DPP6: variants seen among roughly 807,000 people sequenced by gnomAD.
The protein encoded by DPP6 is A-type potassium channel modulatory protein DPP6.
Under a neutral mutation model 122.6 loss-of-function variants are expected in DPP6, and 69 were observed. The ratio of observed to expected loss-of-function variants is 0.56; its 90% CI spans 0.46 to 0.69. The LOEUF (loss-of-function observed/expected upper bound fraction) is 0.69, where lower values mean the gene tolerates loss of function less well. DPP6 is among the 30% of genes least tolerant of loss of function. DPP6 has a pLI of 0.00. For missense variants in DPP6, 928 were observed against 1,116.9 expected (o/e 0.83, Z 2.41); for synonymous variants, 418 against 433.1 (o/e 0.97, Z 0.43).
At chr7:154,736,363 A>C (rs1358911872) in intron 8 of DPP6, among the ~76,000 whole-genome samples, 1 of 152,264 alleles carries the variant, frequency 6.6e-6, no homozygotes, top group Non-Finnish European at 1.5e-5. Context: ...TTGTCATAGC[A>C]AAACAGCAGC....
chr7:154,311,776 A>G (rs1478645542), intron 1 of DPP6, among the ~76,000 whole-genome samples: 1 of 152,094 alleles, frequency 6.6e-6, no homozygotes, highest in Non-Finnish European at 1.5e-5. Context: ...CTTAATCTCC[A>G]CTGGTACCCA....
intron 20 of DPP6, among the ~76,000 whole-genome samples, chr7:154,878,237 A>G (rs989592823): frequency 5.3e-5 from 8 of 152,184 alleles, no homozygotes; most frequent in African/African-American, 1.9e-4. Flanking sequence ...ATCTTCCCCA[A>G]AGAGCACAGG....
Position 154,566,589 on chromosome 7 carries a change from C to A in DPP6, c.553-253C>A, listed in dbSNP as rs538951346. Among the ~76,000 whole-genome samples the A allele has an allele frequency of 4.1e-4, 62 of 152,154 alleles. 1 individual carries two copies. Among genetic ancestry groups the A allele is most frequent in the African/African-American group, 7.7e-4 (32 of 41,492 alleles). On this transcript the variant is annotated intron_variant, in intron 4 of 25. Transcript: ENST00000377770. ...TACAGGTGTGAGCCAGTGCACCCAG[C>A]CTTTAATGCTTATTTATATTGGCTT...
chr7:154,233,619 C>G (rs1801034577), intron 1 of DPP6, among the ~76,000 whole-genome samples: 1 of 152,080 alleles, frequency 6.6e-6, no homozygotes, highest in Non-Finnish European at 1.5e-5. Flanking sequence ...TGGTGCTGTT[C>G]CGACAAGCCA....
chr7:154,120,345 C>T (rs1000092153), intron 1 of DPP6, among the ~76,000 whole-genome samples: 42 of 151,740 alleles, frequency 2.8e-4, no homozygotes, highest in Admixed American at 1.5e-3. Context: ...CATGGGTTCA[C>T]GCCATTCTCC....
chr7:154,841,669 G>A (rs1005043960), intron 16 of DPP6, among the ~76,000 whole-genome samples: 1 of 151,682 alleles, frequency 6.6e-6, no homozygotes, highest in Non-Finnish European at 1.5e-5. Flanking sequence ...GTAATTTCTA[G>A]AGCAAGAGGT....
rs1182294658 is a variant in DPP6, at chr7:154,833,424, T to C, written c.1667-20356T>C. On this transcript the variant is annotated intron_variant, in intron 16 of 25. Coordinates refer to ENST00000377770, the MANE Select transcript of DPP6 (RefSeq NM_130797.4). This position sits in a 1 kb window ranked among gnomAD's most constrained non-coding sequence, Gnocchi z 4.3. ...CCCCTCATCGAGAAGGAGCAAGAAG[T>C]GACTTCTGTGTGCCTTGGCTGCCTC... Among the ~76,000 whole-genome samples, 1 of 152,136 alleles carries C rather than the reference T, an allele frequency of 6.6e-6. No individual in the cohort carries two copies. Among genetic ancestry groups the C allele is most frequent in the Non-Finnish European group, 1.5e-5 (1 of 68,024 alleles).
chr7:154,232,821 A>G (rs1800993310), intron 1 of DPP6, among the ~76,000 whole-genome samples: 1 of 152,212 alleles, frequency 6.6e-6, no homozygotes, highest in Non-Finnish European at 1.5e-5. Flanking sequence ...GGGAGAAGCC[A>G]AAAGTCAGCA....
In DPP6 at chr7:154,320,001, A is replaced by AATATATATATATATAT. The variant is rs71182894; in HGVS notation, c.244-126198_244-126183dup. 3.7e-3 allele frequency among the ~76,000 whole-genome samples: 518 copies of AATATATATATATATAT among 139,152 alleles called. 4 individuals are homozygous for AATATATATATATATAT. The highest frequency in any genetic ancestry group is 0.011 in the African/African-American group (406 of 36,094). 91.3% of individuals were successfully genotyped at this position (139,152 alleles called of 152,430 possible). A position where few individuals can be genotyped will look rare whatever the true frequency, so the allele number is the denominator to read the frequency against. ...GCAAGACTCTGTCTCAAATATTTCA[A>AATATATATATATATAT]ATATATATATATATATATATATATA... On this transcript the variant is annotated intron_variant, in intron 1 of 25. Transcript: ENST00000377770.
At chr7:154,373,533 G>A (rs928966344) in intron 1 of DPP6, among the ~76,000 whole-genome samples, 2 of 152,158 alleles carry the variant, frequency 1.3e-5, no homozygotes, top group Non-Finnish European at 2.9e-5. Flanking sequence ...ACTAAATGCA[G>A]ACTCCTATGG....
At chr7:153,907,503 G>T (rs1799899886) in intron 1 of DPP6, among the ~76,000 whole-genome samples, 1 of 152,206 alleles carries the variant, frequency 6.6e-6, no homozygotes, top group African/African-American at 2.4e-5. Context: ...TGTCCACTTG[G>T]CTGGGCTGCA....
At chr7:153,915,290 A>C (rs978759391) in intron 1 of DPP6, among the ~76,000 whole-genome samples, 28 of 152,272 alleles carry the variant, frequency 1.8e-4, no homozygotes, top group African/African-American at 6.7e-4. Context: ...GGCATCCTAA[A>C]GGATATCTAA....
chr7:154,619,424 GA>G (rs1834490973), intron 5 of DPP6, among the ~76,000 whole-genome samples: 1 of 152,164 alleles, frequency 6.6e-6, no homozygotes, highest in Admixed American at 6.6e-5. Flanking sequence ...AAAAACAATG[GA>G]AAATTGTGAT....
the DPP6 span, among the ~76,000 whole-genome samples, chr7:153,763,395 G>T: frequency 5.2e-5 from 5 of 95,798 alleles, no homozygotes; most frequent in African/African-American, 1.2e-4. Context: ...AAAAAAAAAA[G>T]GTCTTCTGAA....
chr7:154,365,036 C>T (rs1040140803), intron 1 of DPP6, among the ~76,000 whole-genome samples: 3 of 152,146 alleles, frequency 2.0e-5, no homozygotes, highest in Non-Finnish European at 4.4e-5. Flanking sequence ...TGAGTTACAC[C>T]GGGCTTATAC....
At chr7:154,363,632 T>C (rs1441015887) in intron 1 of DPP6, among the ~76,000 whole-genome samples, 1 of 152,160 alleles carries the variant, frequency 6.6e-6, no homozygotes, top group Non-Finnish European at 1.5e-5. Flanking sequence ...CCATGCTCCG[T>C]GGGTTGACAG....
intron 1 of DPP6, among the ~76,000 whole-genome samples, chr7:154,416,133 G>C (rs539227784): frequency 3.3e-5 from 5 of 152,070 alleles, no homozygotes; most frequent in Non-Finnish European, 7.4e-5. Flanking sequence ...ATCTCACACC[G>C]TCCTGCTCCA....
chr7:154,514,703 G>A (rs1220280083), intron 3 of DPP6, among the ~76,000 whole-genome samples: 1 of 152,144 alleles, frequency 6.6e-6, no homozygotes, highest in Non-Finnish European at 1.5e-5. Context: ...CCATGTTGTA[G>A]CCTGTGACAG....
At chr7:153,816,877 C>T in the DPP6 span, among the ~76,000 whole-genome samples, 1 of 151,994 alleles carries the variant, frequency 6.6e-6, no homozygotes, top group East Asian at 1.9e-4. Context: ...AGCCTCTCTC[C>T]CCGTCTCCCA....
Sources: allele counts gnomAD v4.1 joint callset (sites outside exome capture counted in the v4.1 genomes callset), GRCh38; gene constraint gnomAD v4.1.1; non-coding constraint Gnocchi (gnomAD v3.1); transcripts MANE v1.5; gene names NCBI Gene and HGNC (gene_info 2026-07-23, HGNC 2026-07-21).